PHF24: variants seen among roughly 807,000 people sequenced by gnomAD.
PHF24 encodes the protein PHD finger protein 24.
PHF24 carries 25 observed loss-of-function variants against 42.6 expected under a neutral mutation model. That is an observed-to-expected ratio of 0.59 (90% CI 0.43 to 0.82). The LOEUF is 0.82. Among genes scored for constraint, PHF24 ranks in the 40% least tolerant of loss-of-function variants. The probability of loss-of-function intolerance (pLI) is 0.00; values close to 1 mark genes in which losing one functional copy is unlikely to be tolerated. For missense variants in PHF24, 470 were observed against 538.1 expected (o/e 0.87, Z 1.25); for synonymous variants, 185 against 204.8 (o/e 0.90, Z 0.83).
At chr9:34,751,812 A>T in the PHF24 span, among the ~76,000 whole-genome samples, 2 of 152,144 alleles carry the variant, frequency 1.3e-5, no homozygotes. Context: ...CCATAAAACA[A>T]CTCTTAAAAC....
At chr9:34,851,935 T>C in the PHF24 span, among the ~76,000 whole-genome samples, 1 of 152,262 alleles carries the variant, frequency 6.6e-6, no homozygotes, top group Non-Finnish European at 1.5e-5. Context: ...AATTTGACTA[T>C]GTACTTGCTT....
chr9:34,889,922 T>C, the PHF24 span, among the ~76,000 whole-genome samples: 1 of 152,216 alleles, frequency 6.6e-6, no homozygotes, highest in South Asian at 2.1e-4. Flanking sequence ...GATGAGGTTA[T>C]TCGGCTTACT....
chr9:34,702,779 C>T, the PHF24 span, among the ~76,000 whole-genome samples: 2 of 152,152 alleles, frequency 1.3e-5, no homozygotes, highest in Non-Finnish European at 2.9e-5. Flanking sequence ...CATTGCACTC[C>T]AGCCTGGGCA....
the PHF24 span, among the ~76,000 whole-genome samples, chr9:34,912,191 A>C: frequency 6.6e-6 from 1 of 152,186 alleles, no homozygotes; most frequent in African/African-American, 2.4e-5. Context: ...GTTCCTCTGG[A>C]AGGAGGAACT....
At chr9:34,761,004 A>T in the PHF24 span, among the ~76,000 whole-genome samples, 1 of 151,632 alleles carries the variant, frequency 6.6e-6, no homozygotes, top group Non-Finnish European at 1.5e-5. Context: ...AAAAAAAAAA[A>T]AGTAATCTGC....
chr9:34,670,844 C>T, the PHF24 span, among the ~76,000 whole-genome samples: 1 of 152,102 alleles, frequency 6.6e-6, no homozygotes, highest in Admixed American at 6.6e-5. Flanking sequence ...GACATAGCCA[C>T]CCACTAGATT....
exon 2 of PHF24, chr9:34,971,527 G>A (rs569076088): frequency 3.7e-6 from 6 of 1,614,164 alleles, no homozygotes; most frequent in East Asian, 4.5e-5. Flanking sequence ...TGCCGGCCGC[G>A]CAGCCTGGGA....
the PHF24 span, among the ~76,000 whole-genome samples, chr9:34,680,674 C>G: frequency 1.5e-5 from 2 of 135,596 alleles, no homozygotes; most frequent in African/African-American, 5.3e-5. Flanking sequence ...GGCGACAGAG[C>G]GAGACTCCGT....
chr9:34,908,669 A>G, the PHF24 span, among the ~76,000 whole-genome samples: 1 of 152,086 alleles, frequency 6.6e-6, no homozygotes, highest in Non-Finnish European at 1.5e-5. Context: ...TAAAGATCCA[A>G]TAAGACAGTC....
chr9:34,878,825 C>T, the PHF24 span, among the ~76,000 whole-genome samples: 2 of 152,210 alleles, frequency 1.3e-5, no homozygotes, highest in Non-Finnish European at 2.9e-5. Flanking sequence ...GAAACTTCTG[C>T]AGACTTAAAC....
the PHF24 span, among the ~76,000 whole-genome samples, chr9:34,841,719 G>A: frequency 6.6e-6 from 1 of 152,064 alleles, no homozygotes; most frequent in Non-Finnish European, 1.5e-5. Context: ...TTAGCCAGGA[G>A]TGGTGGCAGC....
the PHF24 span, among the ~76,000 whole-genome samples, chr9:34,746,863 G>A: frequency 6.6e-6 from 1 of 152,116 alleles, no homozygotes; most frequent in Non-Finnish European, 1.5e-5. Flanking sequence ...TTGCTTTAGG[G>A]TGGTCAAACA....
At chr9:34,902,102 A>G in the PHF24 span, among the ~76,000 whole-genome samples, 1 of 152,334 alleles carries the variant, frequency 6.6e-6, no homozygotes, top group Admixed American at 6.5e-5. Flanking sequence ...AGACAGAGTC[A>G]TGCGTAAATA....
the PHF24 span, among the ~76,000 whole-genome samples, chr9:34,941,724 T>C: frequency 6.6e-6 from 1 of 152,178 alleles, no homozygotes; most frequent in Non-Finnish European, 1.5e-5. Flanking sequence ...TAACCTTACA[T>C]GGTGGACGCC....
At chr9:34,976,417 G>A (rs536151367) in intron 4 of PHF24, 118 bp from the exon 5 acceptor site, 1 of 1,157,518 alleles carries the variant, frequency 8.6e-7, no homozygotes, top group Admixed American at 2.1e-5. Context: ...CTGGCCATGG[G>A]AGGCAGAGAC....
chr9:34,728,057 A>G, the PHF24 span: 1 of 1,552,008 alleles, frequency 6.4e-7, no homozygotes. Flanking sequence ...GTGGCTTCTC[A>G]GCTTCTTCCC....
the PHF24 span, chr9:34,832,723 G>C: frequency 6.5e-7 from 1 of 1,547,312 alleles, no homozygotes; most frequent in African/African-American, 1.4e-5. Flanking sequence ...GGCATCACCA[G>C]CCCATGTAAA....
At chr9:34,768,598 A>G in the PHF24 span, among the ~76,000 whole-genome samples, 12,207 of 152,250 alleles carry the variant, frequency 0.08, 763 homozygotes, top group East Asian at 0.33. Flanking sequence ...AATTAAATTT[A>G]GCACTGTGCC....
At chr9:34,720,210 C>T in the PHF24 span, among the ~76,000 whole-genome samples, 1 of 151,988 alleles carries the variant, frequency 6.6e-6, no homozygotes, top group Non-Finnish European at 1.5e-5. Flanking sequence ...TTTGGGAGGC[C>T]GAGGCGGGTG....
Sources: gnomAD v4.1 joint callset for allele counts (sites outside exome capture counted in the v4.1 genomes callset) on GRCh38, gnomAD v4.1.1 for gene constraint, MANE v1.5 for transcripts, NCBI Gene and HGNC (gene_info 2026-07-23, HGNC 2026-07-21) for gene names.